The following VPS8 variants were observed in gnomAD, a reference collection of about 807,000 sequenced individuals.
The protein encoded by VPS8 is VPS8 subunit of CORVET complex.
In VPS8, 129 loss-of-function variants were observed where a neutral mutation model predicts 216.4. That is an observed-to-expected ratio of 0.60 (90% CI 0.52 to 0.69). The LOEUF (loss-of-function observed/expected upper bound fraction) is 0.69, where lower values mean the gene tolerates loss of function less well. VPS8 is among the 30% of genes least tolerant of loss of function. The probability of loss-of-function intolerance (pLI) is 0.00; values close to 1 mark genes in which losing one functional copy is unlikely to be tolerated. For missense variants in VPS8, 1,531 were observed against 1,683.5 expected (o/e 0.91, Z 1.59); for synonymous variants, 571 against 565.4 (o/e 1.01, Z -0.14).
chr3:185,007,354 A>T (rs1299850725), intron 45 of VPS8, among the ~76,000 whole-genome samples: 1 of 152,220 alleles, frequency 6.6e-6, no homozygotes, highest in Non-Finnish European at 1.5e-5. Flanking sequence ...ACATTAATAC[A>T]ATCAAATAAT....
intron 2 of VPS8, chr3:184,825,197 A>G: frequency 5.2e-6 from 1 of 193,898 alleles, no homozygotes; most frequent in East Asian, 1.2e-4. Context: ...ATTACTCTTC[A>G]TTTGTATAGT....
intron 29 of VPS8, among the ~76,000 whole-genome samples, chr3:184,920,679 C>G (rs959100892): frequency 1.3e-5 from 2 of 152,164 alleles, no homozygotes; most frequent in African/African-American, 2.4e-5. Context: ...CAGGAGAAAG[C>G]TGTCTTGAGA....
rs886066411 is a variant in VPS8, at chr3:184,855,831, A to G, written c.1143+13A>G. ...TCATTTTCTATTGGTAAGTCCTAAT[A>G]TGACCATTAGAAAGCCTCTTACAAT... On this transcript the variant is annotated intron_variant, in intron 14 of 47. Transcript: ENST00000625842. 5 of 1,583,440 alleles carry G rather than the reference A, an allele frequency of 3.2e-6. No homozygotes were observed. Among genetic ancestry groups the G allele is most frequent in the African/African-American group, 2.7e-5 (2 of 72,830 alleles).
At chr3:184,864,406 C>CT (rs1008430402) in intron 16 of VPS8, among the ~76,000 whole-genome samples, 5 of 152,156 alleles carry the variant, frequency 3.3e-5, no homozygotes, top group African/African-American at 1.2e-4. Context: ...AGAGAGAGTA[C>CT]TGGAGAAAAG....
intron 25 of VPS8, among the ~76,000 whole-genome samples, chr3:184,908,321 A>G (rs1389953652): frequency 6.6e-6 from 1 of 152,236 alleles, no homozygotes; most frequent in Non-Finnish European, 1.5e-5. Flanking sequence ...GACTTGCAGC[A>G]GGGGCACCCT....
chr3:184,993,350 T>C (rs528122971), intron 42 of VPS8, among the ~76,000 whole-genome samples: 6 of 152,046 alleles, frequency 3.9e-5, no homozygotes, highest in Admixed American at 3.9e-4. Context: ...TTGTTTTGTT[T>C]TTTGTTTTTT....
intron 7 of VPS8, among the ~76,000 whole-genome samples, chr3:184,842,103 C>G (rs1055858541): frequency 6.9e-6 from 1 of 144,930 alleles, no homozygotes; most frequent in Non-Finnish European, 1.5e-5. Flanking sequence ...TGTGGAATGG[C>G]GTGAACCCGG....
intron 37 of VPS8, among the ~76,000 whole-genome samples, chr3:184,962,756 TG>T (rs1746742819): frequency 1.3e-5 from 2 of 151,042 alleles, no homozygotes; most frequent in African/African-American, 4.9e-5. Context: ...TGTGTGTGTG[TG>T]TGTGTGTGTC....
At chr3:184,999,218 C>T (rs1753061605) in intron 44 of VPS8, among the ~76,000 whole-genome samples, 1 of 152,106 alleles carries the variant, frequency 6.6e-6, no homozygotes, top group African/African-American at 2.4e-5. Context: ...CCACCACGTC[C>T]AGCTAATTTT....
At chr3:184,963,127 T>C (rs1331059213) in intron 37 of VPS8, among the ~76,000 whole-genome samples, 2 of 152,166 alleles carry the variant, frequency 1.3e-5, no homozygotes, top group African/African-American at 4.8e-5. Flanking sequence ...CTTATTCTTT[T>C]TCTTTAAAAT....
intron 40 of VPS8, among the ~76,000 whole-genome samples, chr3:184,980,274 G>T (rs544403132): frequency 6.6e-6 from 1 of 151,602 alleles, no homozygotes; most frequent in African/African-American, 2.4e-5. Context: ...TCTCGGTAAT[G>T]GTCATCTTGT....
intron 41 of VPS8, 79 bp downstream of exon 41, chr3:184,982,726 A>G (rs1750418331): frequency 8.3e-7 from 1 of 1,206,468 alleles, no homozygotes; most frequent in Admixed American, 2.4e-5. Flanking sequence ...TATCAGTATA[A>G]TATCTTTTTC....
Position 184,930,453 on chromosome 3 carries a change from T to C in VPS8, c.2800-17T>C. On this transcript the variant is annotated splice_polypyrimidine_tract_variant and intron_variant, in intron 33 of 47. Transcript: ENST00000625842. ...GAGTGAGTGAATGAATAAATTATATTGTCTTGTGCTCTTCAGGAAGAAGTC... is the reference window on the plus strand; with the variant it reads ...GAGTGAGTGAATGAATAAATTATATCGTCTTGTGCTCTTCAGGAAGAAGTC... 6.4e-7 allele frequency: 1 copy of C among 1,569,596 alleles called. No individual in the cohort carries two copies. Among genetic ancestry groups the C allele is most frequent in the Non-Finnish European group, 8.8e-7 (1 of 1,141,006 alleles).
intron 46 of VPS8, among the ~76,000 whole-genome samples, chr3:185,027,738 G>T (rs1314177805): frequency 6.6e-6 from 1 of 152,154 alleles, no homozygotes; most frequent in Non-Finnish European, 1.5e-5. Context: ...CATTTTAGGT[G>T]TCTGACATCT....
At chr3:184,865,948 A>C (rs938299262) in intron 16 of VPS8, among the ~76,000 whole-genome samples, 2 of 151,854 alleles carry the variant, frequency 1.3e-5, no homozygotes, top group African/African-American at 4.8e-5. Context: ...AGATGGTGCC[A>C]CTGGACTCCA....
At chr3:184,944,685 CAT>C (rs1358487803) in intron 36 of VPS8, 1 of 669,986 alleles carries the variant, frequency 1.5e-6, no homozygotes, top group Non-Finnish European at 1.8e-6. Flanking sequence ...GCCTCTGAAA[CAT>C]ATAGTATGAT....
intron 41 of VPS8, 119 bp downstream of exon 41, chr3:184,982,766 A>G (rs1750427248): frequency 1.4e-5 from 12 of 852,684 alleles, no homozygotes; most frequent in Non-Finnish European, 2.1e-5. Context: ...TTTTTCCTTA[A>G]TGAAACCATA....
At position 184,900,975 on chromosome 3, in the gene VPS8, A is replaced by G; in HGVS notation, c.2146+3A>G. On this transcript the variant is annotated splice_donor_region_variant and intron_variant, in intron 25 of 47. Transcript: ENST00000625842. ...GAATGCAGGAAAAACACTAACAGGTATTTATTTTCTAAGCCTTAATTTTTT... is the reference window on the plus strand; with the variant it reads ...GAATGCAGGAAAAACACTAACAGGTGTTTATTTTCTAAGCCTTAATTTTTT... 1 of 1,603,656 alleles carries G rather than the reference A, an allele frequency of 6.2e-7. No homozygotes were observed.
chr3:184,898,445 A>G (rs770476420), intron 23 of VPS8, 120 bp from the exon 24 acceptor site: 5 of 783,458 alleles, frequency 6.4e-6, no homozygotes, highest in Middle Eastern at 2.4e-4. Flanking sequence ...TTCAGTTTTT[A>G]TCAGAGAAGA....
Sources: allele counts gnomAD v4.1 joint callset (sites outside exome capture counted in the v4.1 genomes callset), GRCh38; gene constraint gnomAD v4.1.1; transcripts MANE v1.5; gene names NCBI Gene and HGNC (gene_info 2026-07-23, HGNC 2026-07-21).